GLIS3: variants seen among roughly 807,000 people sequenced by gnomAD.
GLIS3 encodes GLIS family zinc finger 3, also known as zinc finger protein GLIS3.
In GLIS3, 53 loss-of-function variants were observed where a neutral mutation model predicts 78.6. The observed-to-expected ratio is 0.67, with a 90% CI of 0.54 to 0.85. The LOEUF is 0.85. GLIS3 is among the 40% of genes least tolerant of loss of function. The probability of loss-of-function intolerance (pLI) is 0.00; values close to 1 mark genes in which losing one functional copy is unlikely to be tolerated. For synonymous variants in GLIS3, 684 were observed against 509.9 expected, an observed-to-expected ratio of 1.34 and a Z score of -4.60; for missense variants, 1,703 against 1,231.1, an observed-to-expected ratio of 1.38 and a Z score of -5.74.
chr9:4,351,827 A>G (rs1724805798), upstream of GLIS3, among the ~76,000 whole-genome samples: 1 of 152,168 alleles, frequency 6.6e-6, no homozygotes, highest in Non-Finnish European at 1.5e-5. Context: ...CTGGAGCACA[A>G]AGAAGTCATT....
intron 4 of GLIS3, among the ~76,000 whole-genome samples, chr9:4,098,521 A>G (rs1830131427): frequency 6.6e-6 from 1 of 152,198 alleles, no homozygotes; most frequent in Non-Finnish European, 1.5e-5. Flanking sequence ...GAATCCAGTA[A>G]ACAAATTACC....
the GLIS3 span, among the ~76,000 whole-genome samples, chr9:4,442,844 G>T: frequency 6.6e-6 from 1 of 151,734 alleles, no homozygotes; most frequent in African/African-American, 2.4e-5. Flanking sequence ...CCTCTCTATA[G>T]AAGTTTTGAA....
At chr9:4,195,331 G>A (rs902854912) in intron 2 of GLIS3, among the ~76,000 whole-genome samples, 18 of 152,200 alleles carry the variant, frequency 1.2e-4, no homozygotes, top group Non-Finnish European at 1.3e-4. Flanking sequence ...GGCTGTGCAC[G>A]GTGCTCGCAG....
At position 4,012,461 on chromosome 9, in the gene GLIS3, C is replaced by A. The variant is rs114607524; in HGVS notation, c.1711-75272G>T. Reference sequence around the variant, plus strand: ...AATAGACCCACACACACAAAAAAAACAGTCAATGATCATTTCTAACTTCCT... The same window carrying A: ...AATAGACCCACACACACAAAAAAAAAAGTCAATGATCATTTCTAACTTCCT... On this transcript the variant is annotated intron_variant, in intron 4 of 10. Transcript: ENST00000381971. Among the ~76,000 whole-genome samples the A allele has an allele frequency of 1.5e-3, 232 of 152,196 alleles. 1 individual carries two copies. Among genetic ancestry groups the A allele is most frequent in the African/African-American group, 5.4e-3 (223 of 41,524 alleles).
At chr9:4,247,999 T>C (rs1823962580) in intron 2 of GLIS3, among the ~76,000 whole-genome samples, 1 of 152,188 alleles carries the variant, frequency 6.6e-6, no homozygotes, top group Non-Finnish European at 1.5e-5. Context: ...CTTGTGTAGC[T>C]GAAACTCTGT....
At chr9:4,407,957 G>T in the GLIS3 span, among the ~76,000 whole-genome samples, 1 of 152,086 alleles carries the variant, frequency 6.6e-6, no homozygotes, top group Non-Finnish European at 1.5e-5. Context: ...AATGGGCAAA[G>T]ATCTGAAAAG....
At chr9:4,163,778 C>T (rs1384950266) in intron 2 of GLIS3, among the ~76,000 whole-genome samples, 1 of 152,182 alleles carries the variant, frequency 6.6e-6, no homozygotes, top group Admixed American at 6.5e-5. Flanking sequence ...CAGAATTGTG[C>T]TTAGTGTACA....
chr9:4,215,090 G>A (rs149117055), intron 2 of GLIS3, among the ~76,000 whole-genome samples: 3 of 152,248 alleles, frequency 2.0e-5, no homozygotes, highest in African/African-American at 7.2e-5. Context: ...CACAAAGAGT[G>A]GAGCAAAGAA....
intron 2 of GLIS3, among the ~76,000 whole-genome samples, chr9:4,127,973 G>A (rs1202894115): frequency 6.6e-6 from 1 of 152,124 alleles, no homozygotes; most frequent in Non-Finnish European, 1.5e-5. Flanking sequence ...CATATTGTAA[G>A]GTGTACCATT....
chr9:4,327,954 G>A (rs1170018392), intron 2 of GLIS3, among the ~76,000 whole-genome samples: 1 of 151,274 alleles, frequency 6.6e-6, no homozygotes, highest in Non-Finnish European at 1.5e-5. Flanking sequence ...GCCTTCAGAA[G>A]GCTCTCGGGA....
intron 2 of GLIS3, among the ~76,000 whole-genome samples, chr9:4,180,839 A>G (rs1442256558): frequency 1.3e-5 from 2 of 152,084 alleles, no homozygotes; most frequent in Non-Finnish European, 2.9e-5. Flanking sequence ...TAAAATCTCA[A>G]ACTGGTTTTG....
At chr9:4,358,145 T>C in the GLIS3 span, among the ~76,000 whole-genome samples, 1 of 152,196 alleles carries the variant, frequency 6.6e-6, no homozygotes, top group African/African-American at 2.4e-5. Flanking sequence ...CATATGTATA[T>C]ATGTGTATGT....
At chr9:4,139,473 TTGATATG>T (rs1564105888) in intron 2 of GLIS3, among the ~76,000 whole-genome samples, 1 of 152,202 alleles carries the variant, frequency 6.6e-6, no homozygotes, top group Admixed American at 6.5e-5. Context: ...GACACAACTG[TTGATATG>T]TCTCTAAATT....
At chr9:4,418,704 A>G in the GLIS3 span, among the ~76,000 whole-genome samples, 1 of 151,834 alleles carries the variant, frequency 6.6e-6, no homozygotes, top group Non-Finnish European at 1.5e-5. Context: ...ATCTCAAAAA[A>G]CAAACAAAAA....
At chr9:4,437,091 TAGAAGAGGACAGA>T in the GLIS3 span, among the ~76,000 whole-genome samples, 1 of 152,090 alleles carries the variant, frequency 6.6e-6, no homozygotes. Flanking sequence ...GGAAATAGGA[TAGAAGAGGACAGA>T]AGAAGAGGAG....
At chr9:3,972,567 T>C (rs958759935) in intron 4 of GLIS3, among the ~76,000 whole-genome samples, 2 of 152,126 alleles carry the variant, frequency 1.3e-5, no homozygotes, top group African/African-American at 4.8e-5. Flanking sequence ...TTTTTTTTGT[T>C]TGTTTGTTTG....
intron 4 of GLIS3, among the ~76,000 whole-genome samples, chr9:4,100,596 T>C (rs1830295142): frequency 1.3e-5 from 2 of 152,184 alleles, no homozygotes; most frequent in Admixed American, 6.5e-5. Flanking sequence ...CTGTGTCAAA[T>C]TCTGAGGGCT....
intron 4 of GLIS3, among the ~76,000 whole-genome samples, chr9:3,995,977 A>AGATGTTGGG (rs1228450247): frequency 6.6e-6 from 1 of 152,192 alleles, no homozygotes; most frequent in East Asian, 1.9e-4. Context: ...ATTCTAAGCA[A>AGATGTTGGG]GACTAATAAA....
chr9:4,409,893 A>T, the GLIS3 span, among the ~76,000 whole-genome samples: 1 of 152,242 alleles, frequency 6.6e-6, no homozygotes, highest in African/African-American at 2.4e-5. Flanking sequence ...CCAAATGCCT[A>T]TAAGTTATTT....
Sources: gnomAD v4.1 joint callset for allele counts (sites outside exome capture counted in the v4.1 genomes callset) on GRCh38, gnomAD v4.1.1 for gene constraint, MANE v1.5 for transcripts, NCBI Gene and HGNC (gene_info 2026-07-23, HGNC 2026-07-21) for gene names.